Variants in DGKB observed in about 807,000 individuals in gnomAD.
DGKB encodes diacylglycerol kinase beta.
DGKB carries 67 observed loss-of-function variants against 114.3 expected under a neutral mutation model. The ratio of observed to expected loss-of-function variants is 0.59; its 90% confidence interval spans 0.48 to 0.72. The LOEUF (loss-of-function observed/expected upper bound fraction) is 0.72. Among genes scored for constraint, DGKB ranks in the 30% least tolerant of loss-of-function variants. The probability of loss-of-function intolerance (pLI) is 0.00; values close to 1 mark genes in which losing one functional copy is unlikely to be tolerated. For missense variants in DGKB, 907 were observed against 975.2 expected (o/e 0.93, Z 0.93); for synonymous variants, 398 against 323.1 (o/e 1.23, Z -2.49).
chr7:14,383,640 T>C (rs1197141014), intron 21 of DGKB, among the ~76,000 whole-genome samples: 1 of 152,138 alleles, frequency 6.6e-6, no homozygotes, highest in African/African-American at 2.4e-5. Context: ...GCCAGTAGAA[T>C]GAAGAAACTA....
At chr7:14,960,918 C>T (rs573230200) in intron 1 of DGKB, among the ~76,000 whole-genome samples, 87 of 152,144 alleles carry the variant, frequency 5.7e-4, no homozygotes, top group South Asian at 3.5e-3. Context: ...CCCATGATCT[C>T]GGGCGTGGGC....
chr7:14,663,550 A>G lies in DGKB; in HGVS notation c.1134+9379T>C, dbSNP rs112156371. Among the ~76,000 whole-genome samples the G allele has an allele frequency of 2.6e-3, 396 of 151,532 alleles. 1 individual carries two copies. The highest frequency in any genetic ancestry group is 8.7e-3 in the African/African-American group (360 of 41,392). ...TAGTCTTCCACACTTTCTGGCTATCATTATTCTCTCTTCCTTCTTTCTCTT... is the reference window on the plus strand; with the variant it reads ...TAGTCTTCCACACTTTCTGGCTATCGTTATTCTCTCTTCCTTCTTTCTCTT... On this transcript the variant is annotated intron_variant, in intron 13 of 25. Coordinates refer to ENST00000402815, the MANE Select transcript of DGKB (RefSeq NM_001350709.2).
At chr7:14,726,187 T>A (rs1213991461) in intron 5 of DGKB, among the ~76,000 whole-genome samples, 3 of 152,136 alleles carry the variant, frequency 2.0e-5, no homozygotes, top group Non-Finnish European at 4.4e-5. Context: ...TCGCCCAGAC[T>A]GGAGTGCAGT....
At chr7:14,502,987 A>C (rs1786440813) in intron 20 of DGKB, among the ~76,000 whole-genome samples, 1 of 152,134 alleles carries the variant, frequency 6.6e-6, no homozygotes, top group Admixed American at 6.6e-5. Context: ...ACCACTAGAC[A>C]GCTTAACATT....
rs1295269005 is a variant in DGKB, at chr7:14,301,690, T to TAC, written c.2122+36823_2122+36824dup. ...GTGTATATATACATGAATAGGTGTG[T>TAC]ACACACACACACATACACACACATT... is the stretch of plus-strand genomic sequence containing the variant. On this transcript the variant is annotated intron_variant, in intron 23 of 25. Transcript: ENST00000402815. 9.9e-4 allele frequency among the ~76,000 whole-genome samples: 150 copies of TAC among 151,972 alleles called. 1 individual carries two copies. Among genetic ancestry groups the TAC allele is most frequent in the African/African-American group, 3.4e-3 (140 of 41,490 alleles).
chr7:14,291,091 G>A (rs989570952), intron 23 of DGKB, among the ~76,000 whole-genome samples: 17 of 139,582 alleles, frequency 1.2e-4, no homozygotes, highest in Non-Finnish European at 1.8e-4. Flanking sequence ...GCAGTGAGCC[G>A]AGGTCATGCT....
chr7:14,299,924 C>CAA (rs67546816), intron 23 of DGKB, among the ~76,000 whole-genome samples: 1 of 151,542 alleles, frequency 6.6e-6, no homozygotes, highest in South Asian at 2.1e-4. Context: ...AAAAAAAATA[C>CAA]AAAAAAGCAA....
intron 23 of DGKB, among the ~76,000 whole-genome samples, chr7:14,318,291 C>G (rs1807014549): frequency 1.4e-5 from 2 of 147,306 alleles, no homozygotes; most frequent in South Asian, 2.2e-4. Context: ...CAAATGGGAT[C>G]TAATTAAACT....
chr7:14,583,742 G>T (rs62443558), intron 17 of DGKB, among the ~76,000 whole-genome samples: 2,918 of 152,236 alleles, frequency 0.019, 46 homozygotes, highest in Non-Finnish European at 0.028. Flanking sequence ...TAGCCTAATT[G>T]CTGGGTCAGC....
chr7:14,548,458 AT>A (rs1444232331), intron 20 of DGKB, among the ~76,000 whole-genome samples: 2 of 152,216 alleles, frequency 1.3e-5, no homozygotes, highest in African/African-American at 4.8e-5. Flanking sequence ...TTATTCAAAA[AT>A]GGACAGGAGC....
intron 4 of DGKB, among the ~76,000 whole-genome samples, chr7:14,751,884 C>G (rs561222615): frequency 6.6e-6 from 1 of 152,296 alleles, no homozygotes; most frequent in East Asian, 1.9e-4. Flanking sequence ...TTCTCTAGAA[C>G]TTTTCTATGA....
At chr7:14,429,916 G>A (rs1250736542) in intron 21 of DGKB, among the ~76,000 whole-genome samples, 2 of 90,070 alleles carry the variant, frequency 2.2e-5, no homozygotes, top group East Asian at 3.1e-4. Flanking sequence ...TACAGAGTGA[G>A]ACTCTGTCCC....
chr7:14,640,663 T>A (rs1337576435), intron 13 of DGKB, among the ~76,000 whole-genome samples: 3 of 152,098 alleles, frequency 2.0e-5, no homozygotes, highest in Non-Finnish European at 4.4e-5. Context: ...GAGACAGAGA[T>A]CATGGTAGTA....
At chr7:14,316,093 A>G (rs1806444910) in intron 23 of DGKB, among the ~76,000 whole-genome samples, 1 of 148,114 alleles carries the variant, frequency 6.8e-6, no homozygotes, top group Non-Finnish European at 1.5e-5. Flanking sequence ...AACGAGAACA[A>G]AGACACAACA....
Position 14,685,258 on chromosome 7 carries a change from G to T in DGKB, c.816C>A (p.Gly272=). 1.2e-6 allele frequency: 2 copies of T among 1,612,592 alleles called. No individual in the cohort carries two copies. The highest frequency in any genetic ancestry group is 1.1e-5 in the South Asian group (1 of 91,044). Residue 272 remains glycine, a synonymous_variant, in exon 10 of 26, where the codon GGC becomes GGA. Transcript: ENST00000402815. The part of the protein sequence containing the change: ...LNMLIGVGKQ[G]LCCSFCKYTV... ...AAATGTACTCACAGGAACAGCAGAG[G>T]CCCTGCTTCCCCACGCCAATCAGCA...
chr7:14,899,947 G>T (rs952856857), intron 1 of DGKB, among the ~76,000 whole-genome samples: 3 of 152,082 alleles, frequency 2.0e-5, no homozygotes, highest in Non-Finnish European at 4.4e-5. Context: ...TAAATACGTT[G>T]CTTTCAGAAA....
chr7:14,212,894 T>C (rs1788356871), intron 23 of DGKB, among the ~76,000 whole-genome samples: 1 of 152,104 alleles, frequency 6.6e-6, no homozygotes, highest in Non-Finnish European at 1.5e-5. Context: ...GTATTGCCAA[T>C]TAACTTTTAA....
chr7:14,532,079 C>T (rs1345925006), intron 20 of DGKB, among the ~76,000 whole-genome samples: 1 of 151,310 alleles, frequency 6.6e-6, no homozygotes, highest in Admixed American at 6.6e-5. Context: ...CCATATCGTT[C>T]TCATAACTCA....
At chr7:14,622,546 C>T (rs1277382017) in intron 14 of DGKB, among the ~76,000 whole-genome samples, 1 of 152,072 alleles carries the variant, frequency 6.6e-6, no homozygotes, top group Admixed American at 6.6e-5. Flanking sequence ...TGTAAAATGT[C>T]CAAGATTAGT....
Sources: allele counts gnomAD v4.1 joint callset (sites outside exome capture counted in the v4.1 genomes callset), GRCh38; gene constraint gnomAD v4.1.1; transcripts MANE v1.5; gene names NCBI Gene and HGNC (gene_info 2026-07-23, HGNC 2026-07-21).